The following DSC1 variants were observed in gnomAD, a reference collection of about 807,000 sequenced individuals.
The protein encoded by DSC1 is desmocollin-1.
In DSC1, 79 loss-of-function variants were observed where a neutral mutation model predicts 98.8. The observed-to-expected ratio is 0.80, with a 90% CI of 0.67 to 0.96. The LOEUF (loss-of-function observed/expected upper bound fraction) is 0.96. Ranked by LOEUF, DSC1 falls within the 50% of genes least tolerant of loss-of-function variation. The probability of loss-of-function intolerance (pLI) is 0.00; values close to 1 mark genes in which losing one functional copy is unlikely to be tolerated. For synonymous variants in DSC1, 405 were observed against 372.1 expected (o/e 1.09, Z -1.02); for missense variants, 1,115 against 1,075.9 (o/e 1.04, Z -0.51).
At position 31,162,632 on chromosome 18, in the gene DSC1, A is replaced by AACAGGGCAGCCTGGGATGC; in HGVS notation, c.-57_-39dup. On this transcript the variant is annotated 5_prime_UTR_variant, in exon 1 of 16. Transcript: ENST00000257198. ...CAATGGCCAGGGACGGTGGCCAGAT[A>AACAGGGCAGCCTGGGATGC]ACAGGGCAGCCTGGGATGCACAGAG... 6.3e-7 allele frequency: 1 copy of AACAGGGCAGCCTGGGATGC among 1,594,738 alleles called. No homozygotes were observed. Among genetic ancestry groups the AACAGGGCAGCCTGGGATGC allele is most frequent in the South Asian group, 1.1e-5 (1 of 90,662 alleles).
intron 5 of DSC1, among the ~76,000 whole-genome samples, chr18:31,153,103 A>T (rs1989032242): frequency 6.6e-6 from 1 of 151,992 alleles, no homozygotes; most frequent in Non-Finnish European, 1.5e-5. Flanking sequence ...ATAGCAAAGT[A>T]ACTTATTTTT....
chr18:31,143,566 A>G, intron 8 of DSC1, 91 bp downstream of exon 8: 1 of 1,041,756 alleles, frequency 9.6e-7, no homozygotes, highest in Non-Finnish European at 1.3e-6. Context: ...CAAACTGTCA[A>G]ACTTTGTGAT....
In DSC1 at chr18:31,159,160, T is replaced by C. The variant is rs1462194780; in HGVS notation, c.148+285A>G. On this transcript the variant is annotated intron_variant, in intron 2 of 15. Coordinates refer to ENST00000257198, the MANE Select transcript of DSC1 (RefSeq NM_024421.2). ...GCTCCGCCTCTTGGGTTCACGCCAT[T>C]CTCCTGCCTCAGCCTCCCGAGTAGC... 2.1e-5 allele frequency among the ~76,000 whole-genome samples: 2 copies of C among 93,666 alleles called. 1 individual carries two copies. Among genetic ancestry groups the C allele is most frequent in the African/African-American group, 7.3e-5 (2 of 27,224 alleles). The allele number at this position is 93,666 out of a possible 152,430, so 61.4% of individuals were successfully genotyped here. A position where few individuals can be genotyped will look rare whatever the true frequency, so the allele number is the denominator to read the frequency against.
intron 15 of DSC1, 65 bp from the exon 16 acceptor site, chr18:31,130,776 T>G: frequency 3.1e-6 from 5 of 1,611,812 alleles, no homozygotes; most frequent in Non-Finnish European, 4.2e-6. Context: ...AGCAGAAAAA[T>G]GATGTCTTTG....
rs1988957356 is a variant in DSC1 at position 31,150,325 on chromosome 18, C to CACTACT, written c.628-1684_628-1683insAGTAGT. ...TCATCACCACCACTACTACCATCAT[C>CACTACT]ACCACCACCACTACCATCACCACCA... On this transcript the variant is annotated intron_variant, in intron 5 of 15. Coordinates refer to ENST00000257198, the MANE Select transcript of DSC1 (RefSeq NM_024421.2). Among the ~76,000 whole-genome samples, 20 of 91,424 alleles carry CACTACT rather than the reference C, an allele frequency of 2.2e-4. 3 individuals carry two copies. The highest frequency in any genetic ancestry group is 9.6e-4 in the East Asian group (1 of 1,044). 60.0% of individuals were successfully genotyped at this position (91,424 alleles called of 152,430 possible). A position where few individuals can be genotyped will look rare whatever the true frequency, so the allele number is the denominator to read the frequency against.
chr18:31,150,316 TAC>T (rs1988956185), intron 5 of DSC1, among the ~76,000 whole-genome samples: 2 of 6,142 alleles, frequency 3.3e-4, no homozygotes, highest in African/African-American at 7.2e-4. Flanking sequence ...CCACCACTAC[TAC>T]CATCATCACC....
At chr18:31,141,839 G>A (rs1314090643) in intron 9 of DSC1, among the ~76,000 whole-genome samples, 160 bp downstream of exon 9, 2 of 152,246 alleles carry the variant, frequency 1.3e-5, no homozygotes, top group East Asian at 1.9e-4. Flanking sequence ...GAGAAAATTA[G>A]GGTAAGAGAA....
chr18:31,150,052 C>CCACCACCACCACCATCAT (rs1988930491), intron 5 of DSC1, among the ~76,000 whole-genome samples: 1 of 145,042 alleles, frequency 6.9e-6, no homozygotes, highest in East Asian at 2.0e-4. Flanking sequence ...ATCACCACCA[C>CCACCACCACCACCATCAT]CACCACCACC....
intron 9 of DSC1, 60 bp downstream of exon 9, chr18:31,141,939 T>C: frequency 6.7e-7 from 1 of 1,499,904 alleles, no homozygotes; most frequent in Non-Finnish European, 8.9e-7. Flanking sequence ...AATTATCTCT[T>C]AAAATCAGTG....
In DSC1 at chr18:31,160,950, C is replaced by T. The variant is rs113189492; in HGVS notation, c.64-1421G>A. 7.8e-3 allele frequency among the ~76,000 whole-genome samples: 1,184 copies of T among 152,136 alleles called. 15 individuals are homozygous for T. The highest frequency in any genetic ancestry group is 0.027 in the African/African-American group (1,129 of 41,514). On this transcript the variant is annotated intron_variant, in intron 1 of 15. Coordinates refer to ENST00000257198, the MANE Select transcript of DSC1 (RefSeq NM_024421.2). ...TAAGAAATGCAACGTTAGGTGATTT[C>T]ATCCTTGTGCAGACATCATAGAGTA...
chr18:31,162,477 A>G, intron 1 of DSC1, 55 bp downstream of exon 1: 2 of 1,560,030 alleles, frequency 1.3e-6, no homozygotes, highest in Non-Finnish European at 1.8e-6. Flanking sequence ...CAAACTGCAG[A>G]GAGGAAGCAG....
At chr18:31,134,402 A>G (rs935296161) in intron 12 of DSC1, among the ~76,000 whole-genome samples, 170 bp downstream of exon 12, 2 of 152,228 alleles carry the variant, frequency 1.3e-5, no homozygotes, top group East Asian at 3.9e-4. Context: ...ACAAGAGTCT[A>G]AGCTCATCAC....
chr18:31,145,733 C>T lies in DSC1; in HGVS notation c.817G>A (p.Asp273Asn), dbSNP rs1412435539. Reference sequence around the variant, plus strand: ...TATTTCAGACGAGTATGGAGAGTGTCAGGTTCGTCAAGGTCTGTGGCGGTC... The same window carrying T: ...TATTTCAGACGAGTATGGAGAGTGTTAGGTTCGTCAAGGTCTGTGGCGGTC... ...KVTATDLDEP[D>N]TLHTRLKYKI... is the part of the protein sequence containing the mutation. The change falls in exon 7 of 16, where the codon GAC becomes AAC. Residue 273 changes from aspartate (D) to asparagine (N), a missense_variant. Asp to Asn is a conservative substitution (Grantham distance 23, BLOSUM62 1). Transcript: ENST00000257198. The T allele has an allele frequency of 1.2e-6, 2 of 1,614,016 alleles. No homozygotes were observed. The highest frequency in any genetic ancestry group is 1.7e-6 in the Non-Finnish European group (2 of 1,180,044).
chr18:31,151,391 A>G (rs1421013277), intron 5 of DSC1, among the ~76,000 whole-genome samples: 4 of 152,226 alleles, frequency 2.6e-5, no homozygotes, highest in African/African-American at 9.6e-5. Context: ...CATTATAAAT[A>G]TGTTATTTAG....
At chr18:31,150,913 T>G (rs1988990358) in intron 5 of DSC1, 1 of 152,198 alleles carries the variant, frequency 6.6e-6, no homozygotes, top group South Asian at 2.1e-4. Context: ...AATAGCTCTT[T>G]GCATTCAATT....
intron 5 of DSC1, among the ~76,000 whole-genome samples, 184 bp downstream of exon 5, chr18:31,154,590 C>T (rs185866016): frequency 6.6e-6 from 1 of 152,198 alleles, no homozygotes; most frequent in Non-Finnish European, 1.5e-5. Flanking sequence ...CGCCACTTCC[C>T]TTATTATATC....
chr18:31,132,449 T>G (rs1456069107), intron 14 of DSC1, 119 bp downstream of exon 14: 1 of 1,390,912 alleles, frequency 7.2e-7, no homozygotes, highest in African/African-American at 1.4e-5. Context: ...CACTTGAAAC[T>G]CTGCTTAGCA....
At chr18:31,160,426 A>G (rs1453441590) in intron 1 of DSC1, among the ~76,000 whole-genome samples, 1 of 152,232 alleles carries the variant, frequency 6.6e-6, no homozygotes, top group Admixed American at 6.5e-5. Flanking sequence ...TCTGAATTCT[A>G]GAGTTACGGG....
In DSC1 at chr18:31,154,276, C is replaced by CAAAAA. The variant is rs66553394; in HGVS notation, c.627+493_627+497dup. Among the ~76,000 whole-genome samples the CAAAAA allele has an allele frequency of 2.9e-5, 4 of 140,006 alleles. No homozygotes were observed. The East Asian group carries it at 6.3e-4, about 22-fold the overall frequency. The allele number at this position is 140,006 out of a possible 152,430, so 91.8% of individuals were successfully genotyped here. On this transcript the variant is annotated intron_variant, in intron 5 of 15. Transcript: ENST00000257198. The stretch of plus-strand genomic sequence containing the variant: ...TGAAGAATAGTGAGAGAAAGGGATG[C>CAAAAA]AAAAAAAAAAAAGCTATGTAAGGGG...
Sources: gnomAD v4.1 joint callset for allele counts (sites outside exome capture counted in the v4.1 genomes callset) on GRCh38, gnomAD v4.1.1 for gene constraint, MANE v1.5 for transcripts, NCBI Gene and HGNC (gene_info 2026-07-23, HGNC 2026-07-21) for gene names.